The following FSIP1 variants were observed in gnomAD, a reference collection of about 807,000 sequenced individuals.
FSIP1 encodes fibrous sheath interacting protein 1.
FSIP1 carries 65 observed loss-of-function variants against 60.9 expected under a neutral mutation model. The observed-to-expected ratio is 1.07, with a 90% CI of 0.87 to 1.31. The LOEUF (loss-of-function observed/expected upper bound fraction) is 1.31, where lower values mean the gene tolerates loss of function less well. FSIP1 is among the 40% of genes most tolerant of loss of function. FSIP1 has a pLI of 0.00. For missense variants in FSIP1, 675 were observed against 665.5 expected (o/e 1.01, Z -0.16); for synonymous variants, 209 against 221.2 (o/e 0.94, Z 0.49).
intron 11 of FSIP1, among the ~76,000 whole-genome samples, chr15:39,609,913 CAAGGTGT>C (rs1485022158): frequency 6.6e-6 from 1 of 152,188 alleles, no homozygotes. Flanking sequence ...ACACCAACAG[CAAGGTGT>C]ACCTGTCTGG....
At chr15:39,619,019 T>C (rs901660861) in intron 10 of FSIP1, among the ~76,000 whole-genome samples, 2 of 152,160 alleles carry the variant, frequency 1.3e-5, no homozygotes, top group African/African-American at 4.8e-5. Context: ...AAAAGACTAA[T>C]CCTCCTTTAC....
rs759584603 is a variant in FSIP1, at chr15:39,770,539, T to C, written c.198A>G (p.Arg66=). The change falls in exon 3 of 12, where the codon AGA becomes AGG. Residue 66 remains arginine, a synonymous_variant. Transcript: ENST00000350221. ...TTTCCTGCTTATCATCATTACTAGT[T>C]CTTCTGTTCTCTGTATTACTGCTTT... is the stretch of plus-strand genomic sequence containing the variant. ...HSESSNTENR[R]TSNDDKQESC... 1 of 1,610,980 alleles carries C rather than the reference T, an allele frequency of 6.2e-7. No homozygotes were observed. The highest frequency in any genetic ancestry group is 8.5e-7 in the Non-Finnish European group (1 of 1,179,370).
rs143010590 is a variant in FSIP1, at chr15:39,713,554, T to C, written c.1078A>G (p.Met360Val). The change falls in exon 10 of 12, where the codon ATG becomes GTG. Residue 360 changes from methionine to valine, a missense_variant. Transcript: ENST00000350221. Reference protein sequence around the residue: ...QKPDRDGERNMEVTPGEKILR... With the variant: ...QKPDRDGERNVEVTPGEKILR... ...ATCTTTTCTCCTGGAGTTACTTCCA[T>C]ATTTCTTTCACCATCACGGTCAGGT... The C allele has an allele frequency of 1.0e-4, 160 of 1,601,202 alleles. No homozygotes were observed. The highest frequency in any genetic ancestry group is 7.3e-4 in the Admixed American group (42 of 57,568).
chr15:39,724,913 A>C (rs1163382643), intron 9 of FSIP1, among the ~76,000 whole-genome samples: 1 of 152,132 alleles, frequency 6.6e-6, no homozygotes, highest in Non-Finnish European at 1.5e-5. Flanking sequence ...CAGTAACATA[A>C]ATAAACTAGC....
chr15:39,750,296 C>T (rs1897125749), intron 5 of FSIP1, among the ~76,000 whole-genome samples: 1 of 151,828 alleles, frequency 6.6e-6, no homozygotes, highest in African/African-American at 2.4e-5. Context: ...AAGTCCTAAA[C>T]TTCATATGGA....
chr15:39,631,422 G>A (rs1891883951), intron 10 of FSIP1, among the ~76,000 whole-genome samples: 1 of 152,224 alleles, frequency 6.6e-6, no homozygotes, highest in Admixed American at 6.5e-5. Flanking sequence ...GCTCCCCAAT[G>A]TGAGAAACCT....
At chr15:39,642,987 C>T (rs1410086242) in intron 10 of FSIP1, among the ~76,000 whole-genome samples, 6 of 152,126 alleles carry the variant, frequency 3.9e-5, no homozygotes, top group African/African-American at 1.4e-4. Context: ...GTTCAGTCCT[C>T]GAAGCACTTC....
chr15:39,769,203 C>T (rs1011433123), intron 3 of FSIP1, among the ~76,000 whole-genome samples: 17 of 149,998 alleles, frequency 1.1e-4, no homozygotes, highest in Admixed American at 3.4e-4. Flanking sequence ...GGCGTGAACC[C>T]GGGAGGCAGA....
In FSIP1 at chr15:39,656,120, G is replaced by A. The variant is rs550203286; in HGVS notation, c.1189-37875C>T. 2.0e-5 allele frequency among the ~76,000 whole-genome samples: 3 copies of A among 152,072 alleles called. No homozygotes were observed. In the East Asian group the frequency reaches 5.8e-4, roughly 29 times the overall value. ...TTTGAACCCTAAAAAGATGTTTGTC[G>A]ACACCAAGCAGACTGGACTGGGGTA... On this transcript the variant is annotated intron_variant, in intron 10 of 11. Transcript: ENST00000350221.
At chr15:39,721,413 A>G (rs552444427) in intron 9 of FSIP1, among the ~76,000 whole-genome samples, 1 of 152,366 alleles carries the variant, frequency 6.6e-6, no homozygotes, top group East Asian at 1.9e-4. Context: ...CTCCCGCAGC[A>G]TACACTTTCC....
intron 10 of FSIP1, among the ~76,000 whole-genome samples, chr15:39,670,545 G>C (rs547221681): frequency 3.9e-5 from 6 of 152,072 alleles, no homozygotes; most frequent in Non-Finnish European, 8.8e-5. Flanking sequence ...GCAGTGGTGC[G>C]ATCATAGCTC....
chr15:39,630,141 C>T (rs1038507881), intron 10 of FSIP1, among the ~76,000 whole-genome samples: 6 of 152,220 alleles, frequency 3.9e-5, no homozygotes, highest in Non-Finnish European at 7.3e-5. Context: ...ATTACATAAA[C>T]ATGAAGCTCC....
At chr15:39,611,008 TG>T (rs1433378167) in intron 11 of FSIP1, among the ~76,000 whole-genome samples, 1 of 152,172 alleles carries the variant, frequency 6.6e-6, no homozygotes, top group Non-Finnish European at 1.5e-5. Context: ...GGCTCCTAAT[TG>T]ATACATAAAA....
At chr15:39,687,351 A>G (rs1894423579) in intron 10 of FSIP1, among the ~76,000 whole-genome samples, 1 of 151,528 alleles carries the variant, frequency 6.6e-6, no homozygotes, top group East Asian at 1.9e-4. Flanking sequence ...ATGGGGTTTC[A>G]CCATGTTGGC....
At chr15:39,754,995 A>C (rs997036890) in intron 5 of FSIP1, among the ~76,000 whole-genome samples, 1 of 152,082 alleles carries the variant, frequency 6.6e-6, no homozygotes, top group African/African-American at 2.4e-5. Flanking sequence ...AGAGATGTGG[A>C]CTATTCTTTC....
intron 10 of FSIP1, among the ~76,000 whole-genome samples, chr15:39,646,185 A>G (rs1337697612): frequency 6.6e-6 from 1 of 152,156 alleles, no homozygotes; most frequent in East Asian, 1.9e-4. Context: ...GACCAGCTGC[A>G]GAGAGGAGTA....
chr15:39,633,672 T>C (rs1184941595), intron 10 of FSIP1, among the ~76,000 whole-genome samples: 1 of 152,210 alleles, frequency 6.6e-6, no homozygotes, highest in East Asian at 1.9e-4. Context: ...ATATATAAAT[T>C]TGAAGATTCA....
intron 10 of FSIP1, among the ~76,000 whole-genome samples, chr15:39,652,702 TTA>T (rs1464175470): frequency 2.0e-5 from 3 of 152,222 alleles, no homozygotes; most frequent in Non-Finnish European, 4.4e-5. Context: ...ATTTCATTTG[TTA>T]TACACAAACC....
intron 5 of FSIP1, among the ~76,000 whole-genome samples, chr15:39,744,289 GA>G (rs569355438): frequency 1.1e-4 from 16 of 150,840 alleles, no homozygotes; most frequent in African/African-American, 3.2e-4. Flanking sequence ...ATGTGAGAAG[GA>G]AAAAAAAATC....
Sources: gnomAD v4.1 joint callset for allele counts (sites outside exome capture counted in the v4.1 genomes callset) on GRCh38, gnomAD v4.1.1 for gene constraint, MANE v1.5 for transcripts, NCBI Gene and HGNC (gene_info 2026-07-23, HGNC 2026-07-21) for gene names.